Variants in CEP83 observed in about 807,000 individuals in gnomAD.
CEP83 encodes centrosomal protein of 83 kDa.
In CEP83, 70 loss-of-function variants were observed where a neutral mutation model predicts 101.9. The ratio of observed to expected loss-of-function variants is 0.69; its 90% CI spans 0.57 to 0.84. The LOEUF is 0.84. CEP83 is among the 40% of genes least tolerant of loss of function. CEP83 has a pLI of 0.00. For missense variants in CEP83, 715 were observed against 787.2 expected (o/e 0.91, Z 1.10); for synonymous variants, 264 against 267.9 (o/e 0.99, Z 0.14).
At chr12:94,442,123 G>GTATA (rs59002424) in intron 1 of CEP83, among the ~76,000 whole-genome samples, 9 of 150,164 alleles carry the variant, frequency 6.0e-5, no homozygotes, top group East Asian at 3.9e-4. Context: ...AATGTGGTAG[G>GTATA]TATATATATA....
rs114474846 is a variant in CEP83, at chr12:94,326,497, T to A, written c.1707+5203A>T. 2.6e-3 allele frequency among the ~76,000 whole-genome samples: 395 copies of A among 152,302 alleles called. 2 individuals are homozygous for A. The highest frequency in any genetic ancestry group is 9.2e-3 in the African/African-American group (383 of 41,572). On this transcript the variant is annotated intron_variant, in intron 14 of 16. Coordinates refer to ENST00000397809, the MANE Select transcript of CEP83 (RefSeq NM_016122.3). Reference sequence around the variant, plus strand: ...GGATCTGACTCTAACTCCAGGTAGATAGTTTCAGAATTGAATTTTTGGACA... The same window carrying A: ...GGATCTGACTCTAACTCCAGGTAGAAAGTTTCAGAATTGAATTTTTGGACA...
the CEP83 span, among the ~76,000 whole-genome samples, chr12:94,298,025 A>T: frequency 6.6e-6 from 1 of 152,130 alleles, no homozygotes; most frequent in African/African-American, 2.4e-5. Context: ...TATGATCTAC[A>T]CTTGGCCCCA....
At chr12:94,295,651 A>G in the CEP83 span, among the ~76,000 whole-genome samples, 2 of 152,156 alleles carry the variant, frequency 1.3e-5, no homozygotes, top group Non-Finnish European at 2.9e-5. Context: ...CAAAATCCCA[A>G]CGCTGGATGA....
the CEP83 span, among the ~76,000 whole-genome samples, chr12:94,293,788 A>T: frequency 3.8e-4 from 58 of 152,030 alleles, no homozygotes; most frequent in Non-Finnish European, 7.1e-4. Flanking sequence ...CCAGATAATT[A>T]AAAAAATTTT....
In CEP83 at chr12:94,367,860, T is replaced by C; in HGVS notation, c.1277A>G (p.Tyr426Cys). ...DVWRQSEKDQYEEKLRASQMA... is the reference protein window; with the variant it reads ...DVWRQSEKDQCEEKLRASQMA... The stretch of plus-strand genomic sequence containing the variant: ...CTGTGAAGCCCGCAATTTCTCTTCA[T>C]ACTGATCCTTTTCAGATTGCCTCCA... The change falls in exon 11 of 17, where the codon TAT becomes TGT. Residue 426 changes from tyrosine to cysteine, a missense_variant. Physicochemically the swap from Tyr to Cys is radical, Grantham distance 194. Transcript: ENST00000397809. The C allele has an allele frequency of 6.2e-7, 1 of 1,613,810 alleles. No homozygotes were observed. Among genetic ancestry groups the C allele is most frequent in the Non-Finnish European group, 8.5e-7 (1 of 1,179,842 alleles).
the CEP83 span, among the ~76,000 whole-genome samples, chr12:94,275,915 A>C: frequency 1.2e-4 from 18 of 151,622 alleles, no homozygotes; most frequent in African/African-American, 4.4e-4. Flanking sequence ...TGTTAGCAGC[A>C]TGAAAAATGA....
chr12:94,276,394 G>A, the CEP83 span, among the ~76,000 whole-genome samples: 2 of 149,980 alleles, frequency 1.3e-5, no homozygotes, highest in East Asian at 2.0e-4. Context: ...GGGGAATTTA[G>A]CTTAGGACAT....
chr12:94,352,364 G>T (rs1348051111), intron 11 of CEP83, among the ~76,000 whole-genome samples: 1 of 150,084 alleles, frequency 6.7e-6, no homozygotes, highest in Admixed American at 6.7e-5. Flanking sequence ...AGGTTGCAGT[G>T]AGCCAAGATT....
In CEP83 at chr12:94,400,923, T is replaced by C; in HGVS notation, c.476A>G (p.Lys159Arg). Residue 159 changes from lysine (K) to arginine (R), a missense_variant, in exon 6 of 17, where the codon AAG (lysine) becomes AGG (arginine). Coordinates refer to ENST00000397809, the MANE Select transcript of CEP83 (RefSeq NM_016122.3). ...TTCCTTCTGGTGTTCAAATTCTGAC[T>C]TGAGAAATGTATGTTCATAGCGAAG... ...NKLRYEHTFLKSEFEHQKEEY... is the reference protein window; with the variant it reads ...NKLRYEHTFLRSEFEHQKEEY... The C allele has an allele frequency of 6.6e-7, 1 of 1,515,682 alleles. No individual in the cohort carries two copies. The highest frequency in any genetic ancestry group is 1.4e-5 in the South Asian group (1 of 70,996). The allele number at this position is 1,515,682 out of a possible 1,614,324, so 93.9% of individuals were successfully genotyped here.
chr12:94,290,931 T>C, the CEP83 span, among the ~76,000 whole-genome samples: 239 of 152,310 alleles, frequency 1.6e-3, 1 homozygote, highest in African/African-American at 5.2e-3. Context: ...CCTGCCTCCT[T>C]CTTGCCACCC....
At chr12:94,394,109 T>C (rs543146991) in intron 6 of CEP83, among the ~76,000 whole-genome samples, 78 of 152,246 alleles carry the variant, frequency 5.1e-4, no homozygotes, top group African/African-American at 1.7e-3. Context: ...CTTCACAGAA[T>C]TGGAAAAAAC....
rs2136257160 is a variant in CEP83 at position 94,307,859 on chromosome 12, C to G, written c.*954G>C. ...AGGACTGCTCAATTACAGTCCTGGC[C>G]TTCTTCACTATCAACTGGGACTTTT... is the stretch of plus-strand genomic sequence containing the variant. On this transcript the variant is annotated 3_prime_UTR_variant, in exon 17 of 17. Coordinates refer to ENST00000397809, the MANE Select transcript of CEP83 (RefSeq NM_016122.3). 6.6e-6 allele frequency: 1 copy of G among 152,162 alleles called. No individual in the cohort carries two copies. Among genetic ancestry groups the G allele is most frequent in the African/African-American group, 2.4e-5 (1 of 41,514 alleles). 9.4% of individuals were successfully genotyped at this position (152,162 alleles called of 1,614,324 possible).
the CEP83 span, among the ~76,000 whole-genome samples, chr12:94,271,090 C>G: frequency 6.6e-6 from 1 of 152,190 alleles, no homozygotes; most frequent in African/African-American, 2.4e-5. Context: ...TTTCTTCTCT[C>G]TTTAATTCAG....
intron 14 of CEP83, among the ~76,000 whole-genome samples, chr12:94,330,980 A>G (rs2136473059): frequency 6.6e-6 from 1 of 152,264 alleles, no homozygotes; most frequent in Admixed American, 6.5e-5. Flanking sequence ...ATTCAACTAT[A>G]TACTTTATTC....
At chr12:94,286,156 G>A in the CEP83 span, among the ~76,000 whole-genome samples, 33 of 152,178 alleles carry the variant, frequency 2.2e-4, no homozygotes, top group African/African-American at 7.2e-4. Flanking sequence ...GTCACTTCCC[G>A]TCCAAATGAT....
chr12:94,299,160 G>A, the CEP83 span, among the ~76,000 whole-genome samples: 1 of 152,100 alleles, frequency 6.6e-6, no homozygotes, highest in Non-Finnish European at 1.5e-5. Context: ...TTCCTAATCG[G>A]TTACTTTGCA....
At chr12:94,424,656 CA>C (rs2065043313) in intron 2 of CEP83, 4 of 1,613,626 alleles carry the variant, frequency 2.5e-6, no homozygotes, top group Non-Finnish European at 3.4e-6. Context: ...GAAGGGCTGT[CA>C]AAATCTACAA....
At position 94,313,111 on chromosome 12, in the gene CEP83, T is replaced by C. The variant is rs1354419869; in HGVS notation, c.1708-94A>G. The C allele has an allele frequency of 5.3e-6, 3 of 562,280 alleles. No homozygotes were observed. In the African/African-American group the frequency reaches 5.9e-5, roughly 11 times the overall value. 34.8% of individuals were successfully genotyped at this position (562,280 alleles called of 1,614,324 possible). A position where few individuals can be genotyped will look rare whatever the true frequency, so the allele number is the denominator to read the frequency against. Reference sequence around the variant, plus strand: ...TATTTTACTCACCAAAAACTGTGTTTAGATATGAATGTTTTCAGTGAATAC... The same window carrying C: ...TATTTTACTCACCAAAAACTGTGTTCAGATATGAATGTTTTCAGTGAATAC... On this transcript the variant is annotated intron_variant, in intron 14 of 16. Transcript: ENST00000397809.
At chr12:94,443,869 C>G (rs1024638643) in intron 1 of CEP83, among the ~76,000 whole-genome samples, 3 of 152,158 alleles carry the variant, frequency 2.0e-5, no homozygotes, top group Admixed American at 6.5e-5. Flanking sequence ...TCCAAAGAAA[C>G]TATAAATTCC....
Sources: gnomAD v4.1 joint callset for allele counts (sites outside exome capture counted in the v4.1 genomes callset) on GRCh38, gnomAD v4.1.1 for gene constraint, MANE v1.5 for transcripts, NCBI Gene and HGNC (gene_info 2026-07-23, HGNC 2026-07-21) for gene names.